The following NF1 variants were observed in gnomAD, a reference collection of about 807,000 sequenced individuals.
NF1 encodes the protein neurofibromin.
Under a neutral mutation model 325.7 loss-of-function variants are expected in NF1, and 122 were observed. The observed-to-expected ratio is 0.37, with a 90% CI of 0.32 to 0.44. NF1 has a LOEUF of 0.44. NF1 is among the 20% of genes least tolerant of loss of function. The probability of loss-of-function intolerance (pLI) is 1.00; values close to 1 mark genes in which losing one functional copy is unlikely to be tolerated. For synonymous variants in NF1, 1,091 were observed against 1,186.0 expected (o/e 0.92, Z 1.65); for missense variants, 2,140 against 3,415.4 (o/e 0.63, Z 9.31).
At chr17:31,101,372 T>G (rs1255609874) in intron 1 of NF1, among the ~76,000 whole-genome samples, 1 of 152,188 alleles carries the variant, frequency 6.6e-6, no homozygotes, top group Non-Finnish European at 1.5e-5. Flanking sequence ...CCATTAGCTT[T>G]CCTATAGATC....
chr17:31,117,849 T>G (rs1914089605), intron 1 of NF1, among the ~76,000 whole-genome samples: 1 of 152,174 alleles, frequency 6.6e-6, no homozygotes, highest in Non-Finnish European at 1.5e-5. Flanking sequence ...TTACCATTCC[T>G]ATTCCCTTCT....
intron 36 of NF1, chr17:31,295,488 C>T (rs1377914830): frequency 1.2e-6 from 2 of 1,614,136 alleles, no homozygotes; most frequent in East Asian, 2.2e-5. Flanking sequence ...GTCTGCATCC[C>T]ACTTACAGTG....
intron 1 of NF1, among the ~76,000 whole-genome samples, chr17:31,131,298 C>G (rs148249458): frequency 6.6e-6 from 1 of 152,306 alleles, no homozygotes; most frequent in African/African-American, 2.4e-5. Context: ...TGAGGGGTCT[C>G]CTTGTGGTGG....
At chr17:31,202,711 A>C (rs1277571846) in intron 11 of NF1, among the ~76,000 whole-genome samples, 1 of 152,180 alleles carries the variant, frequency 6.6e-6, no homozygotes, top group Non-Finnish European at 1.5e-5. Context: ...ACTGAGTTAA[A>C]TTGTAGGTAA....
intron 20 of NF1, among the ~76,000 whole-genome samples, chr17:31,228,567 A>G (rs1473317879): frequency 3.3e-5 from 5 of 152,090 alleles, no homozygotes; most frequent in African/African-American, 2.4e-5. Context: ...ATCAATTGAG[A>G]AAAAAACCCC....
At chr17:31,190,500 T>C (rs2066324370) in intron 8 of NF1, among the ~76,000 whole-genome samples, 1 of 152,162 alleles carries the variant, frequency 6.6e-6, no homozygotes, top group Admixed American at 6.5e-5. Context: ...TTCCTCAAAA[T>C]AGTTGATAGA....
At chr17:31,185,237 C>T (rs1332776388) in intron 8 of NF1, among the ~76,000 whole-genome samples, 1 of 152,160 alleles carries the variant, frequency 6.6e-6, no homozygotes, top group Non-Finnish European at 1.5e-5. Flanking sequence ...AAAGTCCTAG[C>T]AGGTCCCTAG....
intron 5 of NF1, among the ~76,000 whole-genome samples, chr17:31,171,186 G>T (rs1295631239): frequency 6.6e-6 from 1 of 152,084 alleles, no homozygotes; most frequent in African/African-American, 2.4e-5. Context: ...TTACCATTGT[G>T]AAACCAAGCA....
rs143176526 is a variant in NF1, at chr17:31,285,365, C to T, written c.4835+20026C>T. Among the ~76,000 whole-genome samples the T allele has an allele frequency of 6.7e-3, 1,020 of 151,576 alleles. 18 individuals carry two copies. The highest frequency in any genetic ancestry group is 0.023 in the African/African-American group (955 of 41,246). ...TGAACGTTGTTCATCTCAGAAGAGTCACCTTTGGAGGTGATGCACTTAGTT... is the reference window on the plus strand; with the variant it reads ...TGAACGTTGTTCATCTCAGAAGAGTTACCTTTGGAGGTGATGCACTTAGTT... On this transcript the variant is annotated intron_variant, in intron 36 of 57. Transcript: ENST00000358273.
chr17:31,351,530 C>T (rs890708520), intron 50 of NF1, among the ~76,000 whole-genome samples: 7 of 152,182 alleles, frequency 4.6e-5, no homozygotes, highest in African/African-American at 1.7e-4. Context: ...GATTCTCCTG[C>T]CTCATCCTCC....
At chr17:31,148,598 A>C (rs1467056719) in intron 1 of NF1, among the ~76,000 whole-genome samples, 1 of 152,120 alleles carries the variant, frequency 6.6e-6, no homozygotes, top group Non-Finnish European at 1.5e-5. Context: ...AAAGTACAAA[A>C]TAAAATATCT....
chr17:31,374,113 C>T lies in NF1; in HGVS notation c.8478C>T (p.Ser2826=), dbSNP rs770148738. The change falls in exon 58 of 58, where the codon AGC becomes AGT. Residue 2826 remains serine, a synonymous_variant. Coordinates refer to ENST00000358273, the MANE Select transcript of NF1 (RefSeq NM_001042492.3). The part of the protein sequence containing the change: ...GSASQVQKQR[S]AGSFKRNSIK... ...CAAGCCAAGTGCAGAAGCAAAGAAG[C>T]GCTGGCAGTTTCAAACGTAATAGCA... is the stretch of plus-strand genomic sequence containing the variant. The T allele has an allele frequency of 3.1e-6, 5 of 1,614,094 alleles. No individual in the cohort carries two copies. The highest frequency in any genetic ancestry group is 2.2e-5 in the South Asian group (2 of 91,082).
At chr17:31,224,090 C>G (rs1486401592) in intron 16 of NF1, among the ~76,000 whole-genome samples, 1 of 151,980 alleles carries the variant, frequency 6.6e-6, no homozygotes, top group Non-Finnish European at 1.5e-5. Flanking sequence ...TATCAAGAAG[C>G]AAAAGGGAAA....
rs1911547484 is a variant in NF1 at position 31,095,293 on chromosome 17, C to G, written c.-17C>G. On this transcript the variant is annotated 5_prime_UTR_variant, in exon 1 of 58. Coordinates refer to ENST00000358273, the MANE Select transcript of NF1 (RefSeq NM_001042492.3). Reference sequence around the variant, plus strand: ...GGCCCACCCTTCCCTCCGCCGCCCCCCGGCCGCGGGGAGGACATGGCCGCG... The same window carrying G: ...GGCCCACCCTTCCCTCCGCCGCCCCGCGGCCGCGGGGAGGACATGGCCGCG... 1.3e-6 allele frequency: 2 copies of G among 1,536,082 alleles called. No homozygotes were observed. The highest frequency in any genetic ancestry group is 1.4e-5 in the African/African-American group (1 of 72,994).
At chr17:31,142,167 T>G (rs930357280) in intron 1 of NF1, among the ~76,000 whole-genome samples, 2 of 152,238 alleles carry the variant, frequency 1.3e-5, no homozygotes, top group African/African-American at 4.8e-5. Context: ...TCCTCTTGTT[T>G]GTTGAAATCT....
At chr17:31,160,155 G>A (rs921915030) in intron 3 of NF1, among the ~76,000 whole-genome samples, 2 of 152,072 alleles carry the variant, frequency 1.3e-5, no homozygotes, top group Non-Finnish European at 2.9e-5. Context: ...GCACCCTCTC[G>A]GCTCATTGCA....
chr17:31,136,380 C>T (rs1214253713), intron 1 of NF1: 3 of 152,080 alleles, frequency 2.0e-5, no homozygotes, highest in Non-Finnish European at 4.4e-5. Context: ...TCCCCGCTCC[C>T]CCCACAACCA....
intron 36 of NF1, among the ~76,000 whole-genome samples, chr17:31,275,877 C>G (rs1490493735): frequency 6.6e-6 from 1 of 152,056 alleles, no homozygotes. Flanking sequence ...TTCCCTCTAG[C>G]TTCTAATATA....
chr17:31,130,074 G>GT (rs201697638), intron 1 of NF1, among the ~76,000 whole-genome samples: 5,183 of 129,132 alleles, frequency 0.04, 337 homozygotes, highest in East Asian at 0.078. Flanking sequence ...TGAAGTCGCT[G>GT]TTTTTTTTTG....
Sources: allele counts gnomAD v4.1 joint callset (sites outside exome capture counted in the v4.1 genomes callset), GRCh38; gene constraint gnomAD v4.1.1; transcripts MANE v1.5; gene names NCBI Gene and HGNC (gene_info 2026-07-23, HGNC 2026-07-21).